Variants in CDK16 observed in about 807,000 individuals in gnomAD.
CDK16 encodes cyclin-dependent kinase 16.
A neutral mutation model predicts 41.6 loss-of-function variants in CDK16; 2 were observed. The ratio of observed to expected loss-of-function variants is 0.05; its 90% CI spans 0.02 to 0.15. The LOEUF is 0.15. Among genes scored for constraint, CDK16 ranks in the 10% least tolerant of loss-of-function variants. The probability of loss-of-function intolerance (pLI) is 1.00; values close to 1 mark genes in which losing one functional copy is unlikely to be tolerated. For synonymous variants in CDK16, 169 were observed against 169.7 expected (o/e 1.00, Z 0.03); for missense variants, 228 against 428.9 (o/e 0.53, Z 4.14).
chrX:47,229,508 C>T lies in CDK16; in HGVS notation c.*740C>T. The T allele has an allele frequency of 3.8e-6, 1 of 266,390 alleles. No homozygotes were observed. Among genetic ancestry groups the T allele is most frequent in the Non-Finnish European group, 7.2e-6 (1 of 138,540 alleles). 22.0% of individuals were successfully genotyped at this position (266,390 alleles called of 1,213,427 possible). On this transcript the variant is annotated 3_prime_UTR_variant, in exon 16 of 16. Coordinates refer to ENST00000357227, the MANE Select transcript of CDK16 (RefSeq NM_006201.5). ...AGCCACTCGCCTTCCTACCCCCGCC[C>T]GCCATCCCCAGTTGCAGGGGGATCT...
In CDK16 at chrX:47,225,086, C is replaced by T; in HGVS notation, c.618C>T (p.Cys206=). 2.5e-6 allele frequency: 3 copies of T among 1,196,794 alleles called. No homozygotes were observed. The highest frequency in any genetic ancestry group is 3.4e-6 in the Non-Finnish European group (3 of 885,764). The change falls in exon 6 of 16, where the codon TGC becomes TGT. Residue 206 remains cysteine (C), a synonymous_variant. Coordinates refer to ENST00000357227, the MANE Select transcript of CDK16 (RefSeq NM_006201.5). ...TGGAACATGAAGAGGGGGCACCCTG[C>T]ACCGCCATCCGGGAAGGTACACACC... is the stretch of plus-strand genomic sequence containing the variant. ...IRLEHEEGAP[C]TAIREVSLLK...
intron 14 of CDK16, chrX:47,227,708 TTAAAG>T: frequency 2.5e-6 from 1 of 398,091 alleles, no homozygotes; most frequent in Non-Finnish European, 4.4e-6. Context: ...TTTACTTTTT[TTAAAG>T]TAGACATTTC....
intron 14 of CDK16, chrX:47,228,297 A>C (rs983501145): frequency 3.5e-5 from 11 of 317,397 alleles, no homozygotes; most frequent in African/African-American, 2.7e-4. Flanking sequence ...CAAACCCCAA[A>C]CACCACCCAT....
chrX:47,228,901 C>A lies in CDK16; in HGVS notation c.*133C>A. On this transcript the variant is annotated 3_prime_UTR_variant, in exon 16 of 16. Transcript: ENST00000357227. Reference sequence around the variant, plus strand: ...CCATGTTCACCTGCCCACTTGTCCCCTGCTGCCTGCCCAAACACCCCACCA... The same window carrying A: ...CCATGTTCACCTGCCCACTTGTCCCATGCTGCCTGCCCAAACACCCCACCA... 1.5e-6 allele frequency: 1 copy of A among 668,989 alleles called. No homozygotes were observed. The highest frequency in any genetic ancestry group is 2.3e-6 in the Non-Finnish European group (1 of 426,609). The allele number at this position is 668,989 out of a possible 1,213,427, so 55.1% of individuals were successfully genotyped here.
At chrX:47,226,066 C>T in intron 8 of CDK16, 39 bp downstream of exon 8, 1 of 1,141,967 alleles carries the variant, frequency 8.8e-7, no homozygotes, top group Non-Finnish European at 1.2e-6. Flanking sequence ...AAGGGGGCCC[C>T]CACTCACCCA....
At position 47,228,867 on chromosome X, in the gene CDK16, C is replaced by A; in HGVS notation, c.*99C>A. 1.1e-6 allele frequency: 1 copy of A among 892,742 alleles called. No individual in the cohort carries two copies. The allele number at this position is 892,742 out of a possible 1,213,427, so 73.6% of individuals were successfully genotyped here. A position where few individuals can be genotyped will look rare whatever the true frequency, so the allele number is the denominator to read the frequency against. On this transcript the variant is annotated 3_prime_UTR_variant, in exon 16 of 16. Coordinates refer to ENST00000357227, the MANE Select transcript of CDK16 (RefSeq NM_006201.5). ...TCTTCCCTGCTTACTCTCTGCCTAC[C>A]TGCCTGAGCCATGTTCACCTGCCCA...
chrX:47,226,139 T>G (rs1319692418), intron 8 of CDK16, 112 bp downstream of exon 8: 2 of 1,085,605 alleles, frequency 1.8e-6, no homozygotes, highest in Admixed American at 5.0e-5. Flanking sequence ...TAGGAGCCCT[T>G]GGAGGGCACT....
chrX:47,226,620 C>T lies in CDK16; in HGVS notation c.954C>T (p.Tyr318=). 1 of 1,211,958 alleles carries T rather than the reference C, an allele frequency of 8.3e-7. No homozygotes were observed. Among genetic ancestry groups the T allele is most frequent in the Non-Finnish European group, 1.1e-6 (1 of 895,279 alleles). Residue 318 remains tyrosine, a synonymous_variant, in exon 10 of 16, where the codon TAC becomes TAT. Coordinates refer to ENST00000357227, the MANE Select transcript of CDK16 (RefSeq NM_006201.5). ...CCAAGTCAATCCCAACAAAGACATACTCCAATGAGGTGGTGACACTGTGGT... is the reference window on the plus strand; with the variant it reads ...CCAAGTCAATCCCAACAAAGACATATTCCAATGAGGTGGTGACACTGTGGT... The part of the protein sequence containing the change: ...ARAKSIPTKT[Y]SNEVVTLWYR...
Position 47,219,040 on chromosome X carries a change from G to A in CDK16, c.-72G>A. 6.0e-6 allele frequency: 5 copies of A among 828,445 alleles called. No homozygotes were observed. The highest frequency in any genetic ancestry group is 7.3e-6 in the Non-Finnish European group (5 of 689,074). The allele number at this position is 828,445 out of a possible 1,213,427, so 68.3% of individuals were successfully genotyped here. ...GAAGGAGGTCGCGCGGCCTCATCCC[G>A]GGCCGCCGCCCCAGGCGCCGCCGCG... On this transcript the variant is annotated 5_prime_UTR_variant, in exon 1 of 16. Coordinates refer to ENST00000357227, the MANE Select transcript of CDK16 (RefSeq NM_006201.5).
In CDK16 at chrX:47,228,735, G is replaced by A. The variant is rs756692702; in HGVS notation, c.1458G>A (p.Arg486=). The A allele has an allele frequency of 5.0e-6, 6 of 1,209,693 alleles. No homozygotes were observed. The highest frequency in any genetic ancestry group is 5.6e-6 in the Non-Finnish European group (5 of 894,239). ...CTGCTCTGCTTTCCCCCACAGGCAG[G>A]CCAGCTTTCCGCGTGGTGGACACCG... is the stretch of plus-strand genomic sequence containing the variant. The part of the protein sequence containing the change: ...LRSSSMPDSG[R]PAFRVVDTEF Residue 486 remains arginine (R), a synonymous_variant, in exon 16 of 16, where the codon AGG becomes AGA. Transcript: ENST00000357227.
chrX:47,223,086 T>G, intron 1 of CDK16: 1 of 1,154,836 alleles, frequency 8.7e-7, no homozygotes, highest in Admixed American at 2.6e-5. Flanking sequence ...AGGGTGGTGC[T>G]AGGGGAACTA....
At chrX:47,219,769 G>T (rs782375798) in intron 1 of CDK16, among the ~76,000 whole-genome samples, 2 of 110,622 alleles carry the variant, frequency 1.8e-5, no homozygotes, top group Non-Finnish European at 3.8e-5. Context: ...GTAGCTGAAG[G>T]ACTCGAGTGT....
rs1161536847 is a variant in CDK16, at chrX:47,227,290, C to G, written c.1284+67C>G. 9.8e-6 allele frequency: 11 copies of G among 1,119,045 alleles called. 1 individual carries two copies. The South Asian group carries it at 1.7e-4, about 17-fold the overall frequency. The allele number at this position is 1,119,045 out of a possible 1,213,427, so 92.2% of individuals were successfully genotyped here. ...AGTGTGGGGAAACAGGGACCCCCCCCCTCAAACCAGGGGCAGGGTCTGAGG... is the reference window on the plus strand; with the variant it reads ...AGTGTGGGGAAACAGGGACCCCCCCGCTCAAACCAGGGGCAGGGTCTGAGG... On this transcript the variant is annotated intron_variant, in intron 13 of 15. Coordinates refer to ENST00000357227, the MANE Select transcript of CDK16 (RefSeq NM_006201.5).
intron 10 of CDK16, 49 bp from the exon 11 acceptor site, chrX:47,226,763 C>T (rs1463095010): frequency 1.7e-6 from 2 of 1,180,258 alleles, no homozygotes; most frequent in East Asian, 5.9e-5. Context: ...TTGGTCACAA[C>T]AGCCACCCAG....
At position 47,227,455 on chromosome X, in the gene CDK16, A is replaced by G; in HGVS notation, c.1361A>G (p.His454Arg). The G allele has an allele frequency of 8.3e-7, 1 of 1,203,279 alleles. No individual in the cohort carries two copies. The highest frequency in any genetic ancestry group is 3.0e-5 in the East Asian group (1 of 33,806). Residue 454 changes from histidine (H) to arginine (R), a missense_variant, in exon 14 of 16, where the codon CAC (histidine) becomes CGC (arginine). By Grantham distance (29) the His-to-Arg change is conservative. Coordinates refer to ENST00000357227, the MANE Select transcript of CDK16 (RefSeq NM_006201.5). ...PFFLSLGERI[H>R]KLPDTTSIFA... ...TTCCTCAGTCTGGGGGAGCGGATCC[A>G]CAAACTTCCTGACAGTGAGTGGAGC...
At chrX:47,223,003 C>G in intron 1 of CDK16, 1 of 898,752 alleles carries the variant, frequency 1.1e-6, no homozygotes, top group Admixed American at 3.7e-5. Flanking sequence ...CAGTGGTTGT[C>G]ATGACGATGA....
intron 8 of CDK16, 31 bp downstream of exon 8, chrX:47,226,058 G>A: frequency 8.5e-7 from 1 of 1,172,895 alleles, no homozygotes; most frequent in Non-Finnish European, 1.1e-6. Flanking sequence ...AGGGGCACAA[G>A]GGGGCCCCCA....
intron 13 of CDK16, 59 bp from the exon 14 acceptor site, chrX:47,227,320 C>A: frequency 9.1e-7 from 1 of 1,093,841 alleles, no homozygotes; most frequent in South Asian, 1.9e-5. Context: ...CTGAGGTGGG[C>A]AGAGAGACCT....
chrX:47,225,680 C>T, intron 6 of CDK16, 92 bp from the exon 7 acceptor site: 1 of 656,138 alleles, frequency 1.5e-6, no homozygotes, highest in Non-Finnish European at 2.5e-6. Flanking sequence ...GAAAGAAAAC[C>T]TGGGCTTGTC....
Sources: allele counts gnomAD v4.1 joint callset (sites outside exome capture counted in the v4.1 genomes callset), GRCh38; gene constraint gnomAD v4.1.1; transcripts MANE v1.5; gene names NCBI Gene and HGNC (gene_info 2026-07-23, HGNC 2026-07-21).